Variants in FAM3B observed in about 807,000 individuals in gnomAD.
The protein encoded by FAM3B is FAM3 metabolism regulating signaling molecule B.
FAM3B carries 29 observed loss-of-function variants against 28.4 expected under a neutral mutation model. The observed-to-expected ratio is 1.02, with a 90% CI of 0.76 to 1.39. FAM3B has a LOEUF of 1.39. Among genes scored for constraint, FAM3B ranks in the 40% most tolerant of loss-of-function variants. The probability of loss-of-function intolerance (pLI) is 0.00; values close to 1 mark genes in which losing one functional copy is unlikely to be tolerated. For synonymous variants in FAM3B, 91 were observed against 103.0 expected, an observed-to-expected ratio of 0.88 and a Z score of 0.71; for missense variants, 266 against 293.9, an observed-to-expected ratio of 0.91 and a Z score of 0.69.
chr21:41,312,478 G>A (rs2088720630), upstream of FAM3B, among the ~76,000 whole-genome samples: 1 of 152,110 alleles, frequency 6.6e-6, no homozygotes, highest in Non-Finnish European at 1.5e-5. Context: ...GGGTCTCATG[G>A]ATCCTAGGAG....
At chr21:41,340,257 G>C (rs1319221794) in intron 3 of FAM3B, among the ~76,000 whole-genome samples, 1 of 150,946 alleles carries the variant, frequency 6.6e-6, no homozygotes, top group Non-Finnish European at 1.5e-5. Flanking sequence ...AGGTTCAAGC[G>C]CTTCTCCTGC....
intron 1 of FAM3B, among the ~76,000 whole-genome samples, chr21:41,311,113 C>A (rs1233209549): frequency 2.7e-5 from 4 of 150,268 alleles, no homozygotes; most frequent in Non-Finnish European, 5.9e-5. Context: ...TCTCAGGACC[C>A]CTTTATACAC....
chr21:41,337,731 C>T (rs117128012), intron 2 of FAM3B, among the ~76,000 whole-genome samples: 1,576 of 150,802 alleles, frequency 0.01, 22 homozygotes, highest in South Asian at 0.052. Context: ...GGTGTGCATG[C>T]GTGTGTGGTG....
intron 2 of FAM3B, among the ~76,000 whole-genome samples, chr21:41,328,518 A>T (rs2088875105): frequency 6.6e-6 from 1 of 152,074 alleles, no homozygotes; most frequent in Admixed American, 6.5e-5. Context: ...AAAAACATTA[A>T]GTTAATTATT....
At chr21:41,310,386 C>G (rs879476198) in intron 1 of FAM3B, among the ~76,000 whole-genome samples, 2 of 152,180 alleles carry the variant, frequency 1.3e-5, no homozygotes, top group Non-Finnish European at 2.9e-5. Context: ...GCAGCTCAGT[C>G]CTCCCTAGGA....
rs1301792235 is a variant in FAM3B, at chr21:41,326,742, C to A, written c.163+3676C>A. Among the ~76,000 whole-genome samples, 1 of 152,218 alleles carries A rather than the reference C, an allele frequency of 6.6e-6. No individual in the cohort carries two copies. Among genetic ancestry groups the A allele is most frequent in the Non-Finnish European group, 1.5e-5 (1 of 68,028 alleles). On this transcript the variant is annotated intron_variant, in intron 2 of 7. Coordinates refer to ENST00000357985, the MANE Select transcript of FAM3B (RefSeq NM_058186.4). This position sits in a 1 kb window ranked among gnomAD's most constrained non-coding sequence, Gnocchi z 4.0. ...AGCCCTTTGGGTGAGTGTCCTGGGT[C>A]CAAGGGTGGGAGTGCTGGGCAGGCC... is the stretch of plus-strand genomic sequence containing the variant.
chr21:41,356,637 G>A (rs988965367), intron 7 of FAM3B, among the ~76,000 whole-genome samples: 2 of 152,206 alleles, frequency 1.3e-5, no homozygotes, highest in African/African-American at 2.4e-5. Context: ...TATAGAACAT[G>A]TCCATCATTG....
At chr21:41,349,474 G>A (rs1170894019) in intron 7 of FAM3B, among the ~76,000 whole-genome samples, 1 of 152,188 alleles carries the variant, frequency 6.6e-6, no homozygotes, top group Non-Finnish European at 1.5e-5. Flanking sequence ...ACCTTCTGAG[G>A]ATAAGGGCCT....
At chr21:41,323,778 A>G (rs980202375) in intron 2 of FAM3B, among the ~76,000 whole-genome samples, 1 of 152,192 alleles carries the variant, frequency 6.6e-6, no homozygotes, top group African/African-American at 2.4e-5. Context: ...GGAGGTGACA[A>G]TTGAGAAGCA....
intron 1 of FAM3B, among the ~76,000 whole-genome samples, chr21:41,311,251 A>ATAT (rs1171631523): frequency 1.0e-3 from 36 of 35,024 alleles, no homozygotes; most frequent in Non-Finnish European, 1.3e-3. Context: ...AAAAAAAAAA[A>ATAT]ATATATATAT....
At chr21:41,322,707 A>T (rs2088817801) in intron 1 of FAM3B, 2 of 734,744 alleles carry the variant, frequency 2.7e-6, no homozygotes, top group Non-Finnish European at 5.0e-6. Context: ...TTGCCCTGGA[A>T]AGCATTCCTG....
At chr21:41,347,564 C>A (rs1410792681) in intron 6 of FAM3B, among the ~76,000 whole-genome samples, 1 of 152,000 alleles carries the variant, frequency 6.6e-6, no homozygotes, top group Non-Finnish European at 1.5e-5. Flanking sequence ...ACCATCCTGG[C>A]CAACATGGTG....
At chr21:41,316,713 C>T (rs2123689209), upstream of FAM3B, 2 of 522,550 alleles carry the variant, frequency 3.8e-6, no homozygotes, top group Admixed American at 8.9e-5. Flanking sequence ...CCCCGCGCAC[C>T]TGCCGGGTCC....
At chr21:41,314,202 A>T (rs2088731579), upstream of FAM3B, among the ~76,000 whole-genome samples, 1 of 152,236 alleles carries the variant, frequency 6.6e-6, no homozygotes. Context: ...CCACCATGTG[A>T]GGACACAGTG....
intron 2 of FAM3B, among the ~76,000 whole-genome samples, chr21:41,335,507 C>T (rs1181562354): frequency 6.6e-6 from 1 of 152,170 alleles, no homozygotes; most frequent in East Asian, 1.9e-4. Context: ...TTCCCACCCT[C>T]ACTCTCTATT....
chr21:41,335,295 A>C (rs2088945350), intron 2 of FAM3B, among the ~76,000 whole-genome samples: 1 of 152,164 alleles, frequency 6.6e-6, no homozygotes, highest in Non-Finnish European at 1.5e-5. Context: ...ACCAGGGGCA[A>C]AATGATGTGA....
chr21:41,306,149 A>T (rs572034318), intron 1 of FAM3B, among the ~76,000 whole-genome samples: 60 of 152,334 alleles, frequency 3.9e-4, no homozygotes, highest in African/African-American at 1.4e-3. Flanking sequence ...TTCTCATGAG[A>T]TTGCAGCAAT....
intron 1 of FAM3B, chr21:41,304,413 A>G: frequency 2.5e-6 from 1 of 406,850 alleles, no homozygotes. Context: ...TCGCCCCCGA[A>G]GGGCCCCAGG....
chr21:41,305,262 A>G (rs888777197), intron 1 of FAM3B, among the ~76,000 whole-genome samples: 1 of 152,152 alleles, frequency 6.6e-6, no homozygotes, highest in African/African-American at 2.4e-5. Context: ...ATGCAGAGGT[A>G]TAGGCGATAT....
Sources: allele counts gnomAD v4.1 joint callset (sites outside exome capture counted in the v4.1 genomes callset), GRCh38; gene constraint gnomAD v4.1.1; non-coding constraint Gnocchi (gnomAD v3.1); transcripts MANE v1.5; gene names NCBI Gene and HGNC (gene_info 2026-07-23, HGNC 2026-07-21).